DDX55: variants seen among roughly 807,000 people sequenced by gnomAD.
The protein encoded by DDX55 is DEAD-box helicase 55, also known as ATP-dependent RNA helicase DDX55.
Under a neutral mutation model 69.2 loss-of-function variants are expected in DDX55, and 56 were observed. The observed-to-expected ratio is 0.81, with a 90% CI of 0.65 to 1.01. The LOEUF is 1.01. DDX55 is among the 50% of genes least tolerant of loss of function. The probability of loss-of-function intolerance (pLI) is 0.00; values close to 1 mark genes in which losing one functional copy is unlikely to be tolerated. For missense variants in DDX55, 720 were observed against 745.1 expected, an observed-to-expected ratio of 0.97 and a Z score of 0.39; for synonymous variants, 268 against 273.1, an observed-to-expected ratio of 0.98 and a Z score of 0.18.
In DDX55 at chr12:123,618,846, G is replaced by T. The variant is rs1954908932; in HGVS notation, c.1333+9G>T. The T allele has an allele frequency of 6.2e-7, 1 of 1,613,078 alleles. No homozygotes were observed. ...GATTTTCAGATTAAAGGGTAAGTTG[G>T]ACTTCTTCATGTGATAATGTCTCCA... On this transcript the variant is annotated intron_variant, in intron 12 of 13. Coordinates refer to ENST00000238146, the MANE Select transcript of DDX55 (RefSeq NM_020936.3).
chr12:123,602,391 C>A, intron 1 of DDX55, 135 bp downstream of exon 1: 1 of 850,752 alleles, frequency 1.2e-6, no homozygotes, highest in Non-Finnish European at 1.7e-6. Context: ...TGCCTTGTCT[C>A]CAGCTGCCCA....
chr12:123,604,042 C>T (rs1009154170), intron 1 of DDX55, among the ~76,000 whole-genome samples: 6 of 151,960 alleles, frequency 3.9e-5, no homozygotes, highest in Admixed American at 6.6e-5. Flanking sequence ...ACCTCAGGTA[C>T]GCCCGCCTTG....
Position 123,615,174 on chromosome 12 carries a change from C to T in DDX55, c.825-11C>T. 1 of 1,613,852 alleles carries T rather than the reference C, an allele frequency of 6.2e-7. No individual in the cohort carries two copies. Among genetic ancestry groups the T allele is most frequent in the Non-Finnish European group, 8.5e-7 (1 of 1,179,804 alleles). ...TGGCCAATGACTCTAAGCCCTCTGT[C>T]CCTCTTGCAGCACCTGTGCCTGTGT... On this transcript the variant is annotated splice_polypyrimidine_tract_variant and intron_variant, in intron 8 of 13. Coordinates refer to ENST00000238146, the MANE Select transcript of DDX55 (RefSeq NM_020936.3).
intron 6 of DDX55, 148 bp downstream of exon 6, chr12:123,608,977 C>G: frequency 1.2e-6 from 1 of 845,630 alleles, no homozygotes; most frequent in Non-Finnish European, 1.6e-6. Context: ...TTATTAGAGA[C>G]AGGGTCTTGT....
Position 123,618,698 on chromosome 12 carries a change from A to G in DDX55, c.1194A>G (p.Arg398=). The G allele has an allele frequency of 6.2e-7, 1 of 1,614,138 alleles. No homozygotes were observed. The highest frequency in any genetic ancestry group is 2.2e-5 in the East Asian group (1 of 44,864). ...KCPLQEMKPQ[R]NTADLLPKLK... is the part of the protein sequence containing the mutation. ...CCCTGCAGGAGATGAAGCCCCAGAG[A>G]AACACAGCGGACCTTCTGCCAAAAC... Residue 398 remains arginine (R), a synonymous_variant, in exon 12 of 14, where the codon AGA becomes AGG. Transcript: ENST00000238146.
intron 11 of DDX55, 57 bp from the exon 12 acceptor site, chr12:123,618,612 C>T: frequency 6.3e-7 from 1 of 1,587,608 alleles, no homozygotes. Flanking sequence ...GATGGGGAGC[C>T]CTGGGGATAT....
At chr12:123,613,148 A>G (rs1472727089) in intron 7 of DDX55, 22 bp from the exon 8 acceptor site, 1 of 1,611,678 alleles carries the variant, frequency 6.2e-7, no homozygotes, top group Admixed American at 1.7e-5. Context: ...GTTTTTTATT[A>G]GTTTCCCTTT....
At chr12:123,609,883 T>C in intron 6 of DDX55, 56 bp from the exon 7 acceptor site, 6 of 1,568,624 alleles carry the variant, frequency 3.8e-6, no homozygotes, top group Admixed American at 1.9e-5. Flanking sequence ...CGTGAAGCAC[T>C]GTGTGTTGAT....
In DDX55 at chr12:123,620,016, T is replaced by A. The variant is rs1955027590; in HGVS notation, c.1679T>A (p.Leu560His). Reference sequence around the variant, plus strand: ...GAAGAACTTCTTAATGACACAAGACTCTTGAAAAAACTTAAGAAAGGCAAA... The same window carrying A: ...GAAGAACTTCTTAATGACACAAGACACTTGAAAAAACTTAAGAAAGGCAAA... ...DMEELLNDTRLLKKLKKGKIT... is the reference protein window; with the variant it reads ...DMEELLNDTRHLKKLKKGKIT... The change falls in exon 14 of 14, where the codon CTC becomes CAC. Residue 560 changes from leucine to histidine, a missense_variant. Physicochemically the swap from Leu to His is moderately conservative, Grantham distance 99. Coordinates refer to ENST00000238146, the MANE Select transcript of DDX55 (RefSeq NM_020936.3). 3 of 1,614,130 alleles carry A rather than the reference T, an allele frequency of 1.9e-6. No individual in the cohort carries two copies. Among genetic ancestry groups the A allele is most frequent in the Non-Finnish European group, 2.5e-6 (3 of 1,180,006 alleles).
At chr12:123,618,389 T>C (rs757690287) in intron 11 of DDX55, 1 of 822,476 alleles carries the variant, frequency 1.2e-6, no homozygotes, top group South Asian at 1.3e-5. Flanking sequence ...CATGCCCTGC[T>C]GGGACCCAGG....
chr12:123,620,618 AT>A lies in DDX55; in HGVS notation c.*479del, dbSNP rs58348785. The A allele has an allele frequency of 2.6e-3, 238 of 90,920 alleles. 2 individuals are homozygous for A. The highest frequency in any genetic ancestry group is 5.6e-3 in the African/African-American group (132 of 23,774). The allele number at this position is 90,920 out of a possible 1,614,324, so 5.6% of individuals were successfully genotyped here. A position where few individuals can be genotyped will look rare whatever the true frequency, so the allele number is the denominator to read the frequency against. On this transcript the variant is annotated 3_prime_UTR_variant, in exon 14 of 14. Transcript: ENST00000238146. ...TATATATATATATATATATATATAT[AT>A]ATATATATAAGCTCTTTTTTCTGAG...
chr12:123,608,560 T>A, intron 5 of DDX55, 120 bp from the exon 6 acceptor site: 2 of 1,210,460 alleles, frequency 1.7e-6, no homozygotes, highest in Non-Finnish European at 2.4e-6. Flanking sequence ...CTCATGCTCT[T>A]CGTTCTCTTC....
chr12:123,605,867 C>T, intron 1 of DDX55, 64 bp from the exon 2 acceptor site: 1 of 1,610,142 alleles, frequency 6.2e-7, no homozygotes, highest in Middle Eastern at 1.7e-4. Flanking sequence ...GTTCCTAGGG[C>T]TTCGGGTCTC....
intron 12 of DDX55, 128 bp downstream of exon 12, chr12:123,618,965 C>T: frequency 1.5e-6 from 2 of 1,345,208 alleles, no homozygotes; most frequent in Non-Finnish European, 2.0e-6. Context: ...ATAAACTGGC[C>T]ACTGGCTGCT....
chr12:123,610,214 A>G (rs1462538836), intron 7 of DDX55, 86 bp downstream of exon 7: 1 of 1,453,662 alleles, frequency 6.9e-7, no homozygotes, highest in Non-Finnish European at 9.2e-7. Flanking sequence ...AATATGTGAG[A>G]CCCTGTAGCA....
At chr12:123,604,242 C>A (rs908751485) in intron 1 of DDX55, among the ~76,000 whole-genome samples, 1 of 151,674 alleles carries the variant, frequency 6.6e-6, no homozygotes, top group Non-Finnish European at 1.5e-5. Context: ...CCCGCATCTT[C>A]GAAATTAAAA....
chr12:123,613,487 C>T (rs1477734729), intron 8 of DDX55, among the ~76,000 whole-genome samples: 1 of 152,150 alleles, frequency 6.6e-6, no homozygotes, highest in Non-Finnish European at 1.5e-5. Context: ...TCAGTCATGT[C>T]AAGGTCAATG....
chr12:123,617,607 T>A (rs1954772318), intron 10 of DDX55, 151 bp from the exon 11 acceptor site: 1 of 508,814 alleles, frequency 2.0e-6, no homozygotes, highest in African/African-American at 2.0e-5. Context: ...CCAGTTCTAT[T>A]TCTCACACTA....
chr12:123,605,839 A>G (rs1398726879), intron 1 of DDX55, 92 bp from the exon 2 acceptor site: 3 of 1,559,436 alleles, frequency 1.9e-6, no homozygotes, highest in Admixed American at 3.3e-5. Context: ...ACCCACTGTG[A>G]CCTTAGCTGC....
Sources: allele counts gnomAD v4.1 joint callset (sites outside exome capture counted in the v4.1 genomes callset), GRCh38; gene constraint gnomAD v4.1.1; transcripts MANE v1.5; gene names NCBI Gene and HGNC (gene_info 2026-07-23, HGNC 2026-07-21).